Variants in STXBP6 observed in about 807,000 individuals in gnomAD.
The protein encoded by STXBP6 is syntaxin binding protein 6, also known as syntaxin-binding protein 6.
A neutral mutation model predicts 26.9 loss-of-function variants in STXBP6; 21 were observed. The ratio of observed to expected loss-of-function variants is 0.78; its 90% confidence interval spans 0.55 to 1.12. The LOEUF (loss-of-function observed/expected upper bound fraction) is 1.12. STXBP6 is among the 50% of genes most tolerant of loss of function. STXBP6 has a pLI of 0.00. For missense variants in STXBP6, 232 were observed against 257.9 expected (o/e 0.90, Z 0.69); for synonymous variants, 97 against 92.6 (o/e 1.05, Z -0.27).
chr14:24,810,603 G>C lies in STXBP6; in HGVS notation c.*2106C>G, dbSNP rs2067791686. On this transcript the variant is annotated 3_prime_UTR_variant, in exon 6 of 6. Coordinates refer to ENST00000323944, the MANE Select transcript of STXBP6 (RefSeq NM_001394410.1). ...AGCAGAGAGTGAGGAAAGAGGGCAA[G>C]ACATGGAATACTTATATTTATCAAG... 2 of 152,182 alleles carry C rather than the reference G, an allele frequency of 1.3e-5. No individual in the cohort carries two copies. The highest frequency in any genetic ancestry group is 4.8e-5 in the African/African-American group (2 of 41,434). The allele number at this position is 152,182 out of a possible 1,614,324, so 9.4% of individuals were successfully genotyped here. A position where few individuals can be genotyped will look rare whatever the true frequency, so the allele number is the denominator to read the frequency against.
chr14:24,894,513 A>T (rs1241600), intron 2 of STXBP6, among the ~76,000 whole-genome samples: 1 of 151,944 alleles, frequency 6.6e-6, no homozygotes, highest in African/African-American at 2.4e-5. Context: ...AGGAAAGGTC[A>T]GTGTCCCCCA....
chr14:25,035,213 C>T (rs2075529908), intron 1 of STXBP6, among the ~76,000 whole-genome samples: 1 of 151,126 alleles, frequency 6.6e-6, no homozygotes, highest in Admixed American at 6.6e-5. Flanking sequence ...TGTGAGATAA[C>T]ACAGCCATCT....
chr14:24,857,213 A>G, intron 2 of STXBP6, 56 bp from the exon 3 acceptor site: 2 of 1,608,448 alleles, frequency 1.2e-6, no homozygotes, highest in Non-Finnish European at 1.7e-6. Flanking sequence ...GTTTGTTTCC[A>G]CATTCAGTGC....
At chr14:24,837,803 G>A (rs557768946) in intron 4 of STXBP6, among the ~76,000 whole-genome samples, 1 of 152,338 alleles carries the variant, frequency 6.6e-6, no homozygotes, top group African/African-American at 2.4e-5. Context: ...ACATCTCTCA[G>A]ACTTTCCCAT....
intron 1 of STXBP6, among the ~76,000 whole-genome samples, chr14:24,989,733 G>C (rs991225620): frequency 1.3e-5 from 2 of 152,202 alleles, no homozygotes; most frequent in South Asian, 2.1e-4. Context: ...ATGCAAGCAA[G>C]GAGGCTGCCC....
chr14:24,943,091 C>T (rs2072861899), intron 2 of STXBP6, among the ~76,000 whole-genome samples: 1 of 152,202 alleles, frequency 6.6e-6, no homozygotes, highest in African/African-American at 2.4e-5. Context: ...TTCTTTCTTT[C>T]CTCTTAACAG....
Position 24,826,978 on chromosome 14 carries a change from T to A in STXBP6, c.452-7784A>T, listed in dbSNP as rs541757487. Among the ~76,000 whole-genome samples the A allele has an allele frequency of 2.2e-3, 331 of 152,310 alleles. 1 individual carries two copies. The highest frequency in any genetic ancestry group is 3.9e-3 in the Non-Finnish European group (262 of 68,018). ...ACTTTGGGAGGCCAAGGTGGGTGGATCACTTTAGCCCAGGAGTTTTGAGAT... is the reference window on the plus strand; with the variant it reads ...ACTTTGGGAGGCCAAGGTGGGTGGAACACTTTAGCCCAGGAGTTTTGAGAT... On this transcript the variant is annotated intron_variant, in intron 4 of 5. Coordinates refer to ENST00000323944, the MANE Select transcript of STXBP6 (RefSeq NM_001394410.1).
At chr14:25,016,274 C>A (rs2075145359) in intron 1 of STXBP6, among the ~76,000 whole-genome samples, 1 of 152,052 alleles carries the variant, frequency 6.6e-6, no homozygotes, top group South Asian at 2.1e-4. Context: ...ATACTGTTAT[C>A]TATTTTAAAG....
At chr14:24,828,395 A>C (rs997131908) in intron 4 of STXBP6, among the ~76,000 whole-genome samples, 2 of 152,196 alleles carry the variant, frequency 1.3e-5, no homozygotes, top group Non-Finnish European at 2.9e-5. Context: ...ATAAAACAAG[A>C]GAGTTAACAT....
At chr14:24,961,133 A>G (rs1430602107) in intron 2 of STXBP6, among the ~76,000 whole-genome samples, 1 of 152,196 alleles carries the variant, frequency 6.6e-6, no homozygotes. Context: ...TTTATATACT[A>G]TGGTATATTA....
intron 1 of STXBP6, among the ~76,000 whole-genome samples, chr14:25,009,395 T>A (rs1474110405): frequency 2.0e-5 from 3 of 152,196 alleles, no homozygotes; most frequent in Non-Finnish European, 4.4e-5. Context: ...CCTACTTGCA[T>A]CTCAAAATGA....
At chr14:24,991,230 A>T (rs2074467742) in intron 1 of STXBP6, among the ~76,000 whole-genome samples, 1 of 152,144 alleles carries the variant, frequency 6.6e-6, no homozygotes, top group Non-Finnish European at 1.5e-5. Context: ...CTGCTCATCT[A>T]GTCATCCCCA....
At chr14:24,979,913 T>C (rs1342087347) in intron 1 of STXBP6, among the ~76,000 whole-genome samples, 1 of 152,244 alleles carries the variant, frequency 6.6e-6, no homozygotes, top group Non-Finnish European at 1.5e-5. Context: ...CTGTCCAATG[T>C]CATATTCCAA....
At chr14:24,849,207 T>A (rs2069064097) in intron 4 of STXBP6, among the ~76,000 whole-genome samples, 1 of 152,160 alleles carries the variant, frequency 6.6e-6, no homozygotes, top group Non-Finnish European at 1.5e-5. Flanking sequence ...GAAAGAACTT[T>A]CATTTAAGAC....
At chr14:24,895,991 C>T (rs1400904187) in intron 2 of STXBP6, among the ~76,000 whole-genome samples, 1 of 152,166 alleles carries the variant, frequency 6.6e-6, no homozygotes, top group Non-Finnish European at 1.5e-5. Context: ...CATTATTAGA[C>T]ACCAAAAAGA....
intron 2 of STXBP6, among the ~76,000 whole-genome samples, chr14:24,862,049 C>T (rs1034571578): frequency 1.3e-5 from 2 of 152,144 alleles, no homozygotes; most frequent in Admixed American, 6.5e-5. Flanking sequence ...TCTGCTGGAG[C>T]GCAGCAGTTG....
At chr14:24,929,830 C>T (rs1356504569) in intron 2 of STXBP6, among the ~76,000 whole-genome samples, 1 of 152,204 alleles carries the variant, frequency 6.6e-6, no homozygotes, top group Non-Finnish European at 1.5e-5. Flanking sequence ...CTTCTTTTCC[C>T]TTCTTCCCCT....
intron 1 of STXBP6, among the ~76,000 whole-genome samples, chr14:25,048,576 A>G (rs2075759043): frequency 6.6e-6 from 1 of 152,234 alleles, no homozygotes; most frequent in South Asian, 2.1e-4. Flanking sequence ...GAGCAGTGTG[A>G]GGGTGTCCCT....
At chr14:24,868,217 A>C (rs2069793335) in intron 2 of STXBP6, among the ~76,000 whole-genome samples, 1 of 152,188 alleles carries the variant, frequency 6.6e-6, no homozygotes, top group South Asian at 2.1e-4. Context: ...AACAACAACA[A>C]AAATCTTGTA....
Sources: gnomAD v4.1 joint callset for allele counts (sites outside exome capture counted in the v4.1 genomes callset) on GRCh38, gnomAD v4.1.1 for gene constraint, MANE v1.5 for transcripts, NCBI Gene and HGNC (gene_info 2026-07-23, HGNC 2026-07-21) for gene names.